The following USP7 variants were observed in gnomAD, a reference collection of about 807,000 sequenced individuals.
The protein encoded by USP7 is ubiquitin C-terminal hydrolase 7.
USP7 carries 9 observed loss-of-function variants against 162.9 expected under a neutral mutation model. The ratio of observed to expected loss-of-function variants is 0.06; its 90% CI spans 0.03 to 0.10. USP7 has a LOEUF of 0.10. Among genes scored for constraint, USP7 ranks in the 10% least tolerant of loss-of-function variants. The pLI is 1.00. For missense variants in USP7, 715 were observed against 1,373.7 expected, an observed-to-expected ratio of 0.52 and a Z score of 7.58; for synonymous variants, 562 against 475.9, an observed-to-expected ratio of 1.18 and a Z score of -2.35.
At chr16:8,907,420 C>T (rs114019746) in intron 12 of USP7, among the ~76,000 whole-genome samples, 1,564 of 152,282 alleles carry the variant, frequency 0.01, 26 homozygotes, top group African/African-American at 0.035. Context: ...ATTACACTCT[C>T]CCTTAAACCT....
intron 5 of USP7, among the ~76,000 whole-genome samples, chr16:8,919,567 A>G (rs1039957387): frequency 2.6e-5 from 4 of 152,116 alleles, no homozygotes; most frequent in Admixed American, 6.6e-5. Context: ...GTGTGTATTC[A>G]CCAAGTTTCA....
intron 2 of USP7, among the ~76,000 whole-genome samples, chr16:8,924,843 A>G (rs1258520716): frequency 6.6e-6 from 1 of 152,186 alleles, no homozygotes; most frequent in East Asian, 1.9e-4. Flanking sequence ...ATCCCAAATT[A>G]TTTTATTTCA....
intron 3 of USP7, among the ~76,000 whole-genome samples, chr16:8,922,653 T>C (rs759972735): frequency 1.8e-4 from 28 of 152,214 alleles, no homozygotes; most frequent in Non-Finnish European, 2.9e-4. Context: ...GTTGACAAAG[T>C]GGTCCGTACT....
chr16:8,963,163 A>G, intron 1 of USP7, 44 bp downstream of exon 1: 1 of 1,377,854 alleles, frequency 7.3e-7, no homozygotes, highest in Non-Finnish European at 9.5e-7. Flanking sequence ...GGCCACAATG[A>G]AAGGCGCCCC....
rs142506935 is a variant in USP7, at chr16:8,909,111, C to T, written c.1162-661G>A. Among the ~76,000 whole-genome samples the T allele has an allele frequency of 4.7e-3, 715 of 152,344 alleles. 6 individuals are homozygous for T. Among genetic ancestry groups the T allele is most frequent in the African/African-American group, 0.016 (672 of 41,574 alleles). Reference sequence around the variant, plus strand: ...AGGACACCCCAACTTCTCAACAAGCCTTCTATGGGGACACCGGACTCTAAG... The same window carrying T: ...AGGACACCCCAACTTCTCAACAAGCTTTCTATGGGGACACCGGACTCTAAG... On this transcript the variant is annotated intron_variant, in intron 11 of 30. Transcript: ENST00000344836.
intron 2 of USP7, among the ~76,000 whole-genome samples, chr16:8,923,806 C>T (rs774564738): frequency 2.6e-5 from 4 of 152,132 alleles, no homozygotes; most frequent in South Asian, 2.1e-4. Context: ...GTAAAGACCA[C>T]GACATGGGAC....
chr16:8,898,496 T>A, intron 24 of USP7, 35 bp downstream of exon 24: 1 of 1,605,714 alleles, frequency 6.2e-7, no homozygotes, highest in Non-Finnish European at 8.5e-7. Flanking sequence ...AGCCTTCTCT[T>A]TATGACCCAT....
At chr16:8,913,853 C>T (rs1020201403) in intron 10 of USP7, among the ~76,000 whole-genome samples, 3 of 151,884 alleles carry the variant, frequency 2.0e-5, no homozygotes, top group African/African-American at 4.8e-5. Flanking sequence ...AGGGCTCAAG[C>T]TATCCTCCCA....
At chr16:8,959,873 C>T (rs1899942497) in intron 1 of USP7, among the ~76,000 whole-genome samples, 1 of 152,206 alleles carries the variant, frequency 6.6e-6, no homozygotes, top group Non-Finnish European at 1.5e-5. Context: ...CATTAATTTG[C>T]TCCTAATAGC....
chr16:8,943,016 G>A (rs1044009553), intron 1 of USP7, among the ~76,000 whole-genome samples: 3 of 152,146 alleles, frequency 2.0e-5, no homozygotes, highest in African/African-American at 7.2e-5. Flanking sequence ...TGGCTTTAAG[G>A]CAGTGGAGCC....
At chr16:8,896,342 G>T (rs184332637) in intron 26 of USP7, among the ~76,000 whole-genome samples, 1 of 152,144 alleles carries the variant, frequency 6.6e-6, no homozygotes, top group Non-Finnish European at 1.5e-5. Context: ...TTCACATTCA[G>T]CTGATAGTGG....
chr16:8,961,198 A>C (rs1358598145), intron 1 of USP7, among the ~76,000 whole-genome samples: 1 of 152,154 alleles, frequency 6.6e-6, no homozygotes, highest in Non-Finnish European at 1.5e-5. Context: ...CTAGTCTTTT[A>C]AAAGCAAACA....
chr16:8,945,871 C>T (rs1394558851), intron 1 of USP7, among the ~76,000 whole-genome samples: 48 of 151,298 alleles, frequency 3.2e-4, no homozygotes, highest in Non-Finnish European at 5.9e-5. Context: ...GGCAACATAG[C>T]GAGACCCCAC....
At chr16:8,934,716 A>G (rs2141238925) in intron 1 of USP7, among the ~76,000 whole-genome samples, 1 of 152,310 alleles carries the variant, frequency 6.6e-6, no homozygotes, top group Middle Eastern at 3.4e-3. Context: ...TTTCCACCTG[A>G]CAGGTGCAGA....
intron 13 of USP7, 22 bp downstream of exon 13, chr16:8,906,397 TGCATTCA>T: frequency 6.2e-7 from 1 of 1,600,780 alleles, no homozygotes; most frequent in Middle Eastern, 2.3e-4. Flanking sequence ...CTGATGAGCT[TGCATTCA>T]GCCCTGGGTC....
intron 1 of USP7, among the ~76,000 whole-genome samples, chr16:8,938,882 A>G (rs1336164811): frequency 1.3e-5 from 2 of 152,220 alleles, no homozygotes; most frequent in Non-Finnish European, 2.9e-5. Context: ...AGATGTGTGA[A>G]GATTATATGC....
At chr16:8,919,264 C>A in intron 5 of USP7, 125 bp from the exon 6 acceptor site, 1 of 867,986 alleles carries the variant, frequency 1.2e-6, no homozygotes. Context: ...TATCACACAG[C>A]ATCCTTCAAT....
intron 1 of USP7, among the ~76,000 whole-genome samples, chr16:8,934,518 T>C (rs542332000): frequency 1.2e-4 from 19 of 152,342 alleles, no homozygotes; most frequent in African/African-American, 4.3e-4. Flanking sequence ...GTGGGATTAA[T>C]TGCAGTGTGA....
intron 1 of USP7, among the ~76,000 whole-genome samples, chr16:8,955,721 A>AAC (rs1158680927): frequency 1.4e-5 from 2 of 148,110 alleles, no homozygotes; most frequent in Non-Finnish European, 3.0e-5. Context: ...AAAAAAAAAA[A>AAC]AAAAACATTG....
Sources: allele counts gnomAD v4.1 joint callset (sites outside exome capture counted in the v4.1 genomes callset), GRCh38; gene constraint gnomAD v4.1.1; transcripts MANE v1.5; gene names NCBI Gene and HGNC (gene_info 2026-07-23, HGNC 2026-07-21).